Variants in BTG3 observed in about 807,000 individuals in gnomAD.
The protein encoded by BTG3 is BTG anti-proliferation factor 3.
Under a neutral mutation model 25.8 loss-of-function variants are expected in BTG3, and 4 were observed. The observed-to-expected ratio is 0.16, with a 90% CI of 0.08 to 0.36. BTG3 has a LOEUF of 0.36. Among genes scored for constraint, BTG3 ranks in the 10% least tolerant of loss-of-function variants. The probability of loss-of-function intolerance (pLI) is 1.00; values close to 1 mark genes in which losing one functional copy is unlikely to be tolerated. For missense variants in BTG3, 201 were observed against 304.9 expected (o/e 0.66, Z 2.54); for synonymous variants, 107 against 99.9 (o/e 1.07, Z -0.42).
At chr21:17,606,415 T>C (rs1296655195) in intron 2 of BTG3, among the ~76,000 whole-genome samples, 5 of 152,148 alleles carry the variant, frequency 3.3e-5, no homozygotes, top group Non-Finnish European at 5.9e-5. Context: ...GAAAAATTAT[T>C]TTCTAGTATG....
At chr21:17,594,697 A>T (rs2061481730) in intron 4 of BTG3, among the ~76,000 whole-genome samples, 1 of 152,074 alleles carries the variant, frequency 6.6e-6, no homozygotes, top group Non-Finnish European at 1.5e-5. Flanking sequence ...TTTTAAATAC[A>T]AAACATTGGA....
chr21:17,612,882 G>A lies in BTG3; in HGVS notation c.-192C>T, dbSNP rs564447492. The A allele has an allele frequency of 2.6e-5, 4 of 152,136 alleles. No individual in the cohort carries two copies. The East Asian group carries it at 7.8e-4, about 30-fold the overall frequency. The allele number at this position is 152,136 out of a possible 1,614,324, so 9.4% of individuals were successfully genotyped here. ...GCGCGCGTTGAGAGGACTGGCGGGC[G>A]GACGAGCGCGCACACGAGTGAGCGC... On this transcript the variant is annotated 5_prime_UTR_variant, in exon 1 of 5. Coordinates refer to ENST00000348354, the MANE Select transcript of BTG3 (RefSeq NM_006806.5).
Position 17,604,913 on chromosome 21 carries a change from C to A in BTG3, c.258G>T (p.Leu86=). The part of the protein sequence containing the change: ...CENSCILYSD[L]GLPKELTLWV... Reference sequence around the variant, plus strand: ...AGAGAGTGAGCTCCTTTGGCAAGCCCAGGTCACTATACAAGATGCAGCTGT... The same window carrying A: ...AGAGAGTGAGCTCCTTTGGCAAGCCAAGGTCACTATACAAGATGCAGCTGT... The change falls in exon 3 of 5, where the codon CTG becomes CTT. Residue 86 remains leucine, a synonymous_variant. Coordinates refer to ENST00000348354, the MANE Select transcript of BTG3 (RefSeq NM_006806.5). 6.2e-7 allele frequency: 1 copy of A among 1,614,162 alleles called. No individual in the cohort carries two copies. Among genetic ancestry groups the A allele is most frequent in the Non-Finnish European group, 8.5e-7 (1 of 1,180,022 alleles).
chr21:17,612,177 G>A (rs1365750636), intron 1 of BTG3: 2 of 152,406 alleles, frequency 1.3e-5, no homozygotes, highest in Non-Finnish European at 2.9e-5. Context: ...TTTTCCCCAA[G>A]TTCAAGGGGA....
chr21:17,599,262 A>AC (rs1315680717), intron 3 of BTG3, among the ~76,000 whole-genome samples: 1 of 148,192 alleles, frequency 6.7e-6, no homozygotes, highest in Non-Finnish European at 1.5e-5. Flanking sequence ...TGCAGACTCT[A>AC]CCTCCTGGGC....
intron 2 of BTG3, among the ~76,000 whole-genome samples, chr21:17,606,424 T>C (rs919252717): frequency 2.0e-5 from 3 of 152,296 alleles, no homozygotes; most frequent in African/African-American, 7.2e-5. Flanking sequence ...TTTTCTAGTA[T>C]GTAAAATACT....
chr21:17,611,253 C>T (rs569487283), intron 1 of BTG3, among the ~76,000 whole-genome samples: 152 of 152,270 alleles, frequency 1.0e-3, no homozygotes, highest in Non-Finnish European at 1.9e-3. Context: ...ACTACATTAG[C>T]CTCCACTCCA....
intron 3 of BTG3, among the ~76,000 whole-genome samples, chr21:17,601,524 T>TAAAAC (rs1348485022): frequency 2.0e-5 from 3 of 152,164 alleles, no homozygotes; most frequent in Non-Finnish European, 2.9e-5. Flanking sequence ...ACCCTCTCTC[T>TAAAAC]AAAACAAAAC....
chr21:17,594,441 CTAAGTGACACTCCTAT>C, intron 4 of BTG3, 109 bp from the exon 5 acceptor site: 1 of 1,271,944 alleles, frequency 7.9e-7, no homozygotes, highest in African/African-American at 1.5e-5. Flanking sequence ...GAGATCACAT[CTAAGTGACACTCCTAT>C]TGTCAGGTCT....
In BTG3 at chr21:17,598,844, C is replaced by T. The variant is rs1331812441; in HGVS notation, c.312-20G>A. On this transcript the variant is annotated intron_variant, in intron 3 of 4. Coordinates refer to ENST00000348354, the MANE Select transcript of BTG3 (RefSeq NM_006806.5). ...CCATACCTAAGAATAAAATTAAAAA[C>T]TTACAAATCTTGAAGTCACATCAGC... 1.3e-6 allele frequency: 2 copies of T among 1,593,678 alleles called. No individual in the cohort carries two copies. Among genetic ancestry groups the T allele is most frequent in the South Asian group, 2.3e-5 (2 of 87,866 alleles).
intron 3 of BTG3, among the ~76,000 whole-genome samples, chr21:17,604,576 C>T (rs2061615451): frequency 1.3e-5 from 2 of 152,134 alleles, no homozygotes; most frequent in Admixed American, 6.6e-5. Flanking sequence ...ATAATAGACA[C>T]CTAGCGGAAT....
chr21:17,611,311 A>G (rs1362363315), intron 1 of BTG3, among the ~76,000 whole-genome samples: 1 of 152,204 alleles, frequency 6.6e-6, no homozygotes, highest in Non-Finnish European at 1.5e-5. Flanking sequence ...GAATCTTTTA[A>G]CTAGATCTTT....
At chr21:17,610,398 G>A (rs955809322) in intron 1 of BTG3, among the ~76,000 whole-genome samples, 3 of 152,170 alleles carry the variant, frequency 2.0e-5, no homozygotes, top group African/African-American at 4.8e-5. Context: ...CTTTCAGGAA[G>A]AGAGATACAT....
intron 4 of BTG3, among the ~76,000 whole-genome samples, chr21:17,596,267 G>A (rs934560219): frequency 4.6e-5 from 7 of 152,024 alleles, no homozygotes; most frequent in South Asian, 2.1e-4. Context: ...TTTCTTTGAT[G>A]AACAAAAAGA....
intron 2 of BTG3, chr21:17,605,212 G>A: frequency 2.1e-6 from 1 of 472,222 alleles, no homozygotes; most frequent in East Asian, 3.7e-5. Flanking sequence ...TGAGCCCAAG[G>A]AAATCACTAG....
intron 2 of BTG3, 64 bp downstream of exon 2, chr21:17,608,908 C>A (rs2061682241): frequency 1.3e-6 from 2 of 1,495,556 alleles, no homozygotes; most frequent in African/African-American, 1.4e-5. Context: ...ACCCTTCAAT[C>A]ATCCGGCCTT....
chr21:17,607,371 A>G (rs1363562948), intron 2 of BTG3, among the ~76,000 whole-genome samples: 1 of 152,126 alleles, frequency 6.6e-6, no homozygotes, highest in Non-Finnish European at 1.5e-5. Flanking sequence ...TGTTCACTCT[A>G]TTGGAAATGA....
At position 17,609,222 on chromosome 21, in the gene BTG3, T is replaced by C. The variant is rs559421947; in HGVS notation, c.-8-70A>G. The C allele has an allele frequency of 4.2e-6, 6 of 1,437,158 alleles. No individual in the cohort carries two copies. The African/African-American group carries it at 4.3e-5, about 10-fold the overall frequency. The allele number at this position is 1,437,158 out of a possible 1,614,324, so 89.0% of individuals were successfully genotyped here. On this transcript the variant is annotated intron_variant, in intron 1 of 4. Coordinates refer to ENST00000348354, the MANE Select transcript of BTG3 (RefSeq NM_006806.5). Reference sequence around the variant, plus strand: ...ACTGGGAAGATGAAGCTCTGTAAGATATACCTCCTTTACAGCTCTCCCCTT... The same window carrying C: ...ACTGGGAAGATGAAGCTCTGTAAGACATACCTCCTTTACAGCTCTCCCCTT...
At chr21:17,606,118 A>C (rs185325011) in intron 2 of BTG3, among the ~76,000 whole-genome samples, 8 of 152,224 alleles carry the variant, frequency 5.3e-5, no homozygotes. Flanking sequence ...TAAGCATTTT[A>C]AAAAATTTAT....
Sources: gnomAD v4.1 joint callset for allele counts (sites outside exome capture counted in the v4.1 genomes callset) on GRCh38, gnomAD v4.1.1 for gene constraint, MANE v1.5 for transcripts, NCBI Gene and HGNC (gene_info 2026-07-23, HGNC 2026-07-21) for gene names.